ABLIM1: variants seen among roughly 807,000 people sequenced by gnomAD.
ABLIM1 encodes actin binding LIM protein 1.
ABLIM1 carries 40 observed loss-of-function variants against 107.0 expected under a neutral mutation model. The observed-to-expected ratio is 0.37, with a 90% confidence interval of 0.29 to 0.49. The LOEUF (loss-of-function observed/expected upper bound fraction) is 0.49. Among genes scored for constraint, ABLIM1 ranks in the 20% least tolerant of loss-of-function variants. The pLI is 0.97. For synonymous variants in ABLIM1, 357 were observed against 357.3 expected, an observed-to-expected ratio of 1.00 and a Z score of 0.01; for missense variants, 857 against 1,008.5, an observed-to-expected ratio of 0.85 and a Z score of 2.04.
chr10:114,795,080 AAAAAAT>A, the ABLIM1 span, among the ~76,000 whole-genome samples: 1 of 152,220 alleles, frequency 6.6e-6, no homozygotes, highest in Non-Finnish European at 1.5e-5. Flanking sequence ...TTAAGGAAGA[AAAAAAT>A]AAAAATATCA....
At chr10:114,634,883 G>T (rs1450330770) in intron 1 of ABLIM1, among the ~76,000 whole-genome samples, 2 of 152,216 alleles carry the variant, frequency 1.3e-5, no homozygotes, top group African/African-American at 4.8e-5. Flanking sequence ...TGGAATGTGG[G>T]AGAGTAAAAC....
intron 1 of ABLIM1, among the ~76,000 whole-genome samples, chr10:114,656,430 G>A (rs1591754480): frequency 6.6e-6 from 1 of 151,952 alleles, no homozygotes; most frequent in African/African-American, 2.4e-5. Context: ...GTTATTATAT[G>A]ACCCAGAAAT....
At chr10:114,462,680 T>G (rs944263931) in intron 12 of ABLIM1, among the ~76,000 whole-genome samples, 2 of 152,164 alleles carry the variant, frequency 1.3e-5, no homozygotes, top group African/African-American at 4.8e-5. Context: ...TGAGACACGT[T>G]GCGTATTGAA....
chr10:114,531,917 C>T (rs2065491632), intron 6 of ABLIM1, among the ~76,000 whole-genome samples: 1 of 152,086 alleles, frequency 6.6e-6, no homozygotes, highest in African/African-American at 2.4e-5. Context: ...TGGGTTCCAG[C>T]AATTCTCGTG....
chr10:114,676,893 G>A (rs2080510374), intron 1 of ABLIM1, among the ~76,000 whole-genome samples: 1 of 152,112 alleles, frequency 6.6e-6, no homozygotes, highest in African/African-American at 2.4e-5. Context: ...GCACCAGCAT[G>A]CCTGGCTAAC....
rs764281494 is a variant in ABLIM1, at chr10:114,545,041, C to T, written c.858G>A (p.Glu286=). 1 of 1,614,168 alleles carries T rather than the reference C, an allele frequency of 6.2e-7. No homozygotes were observed. The highest frequency in any genetic ancestry group is 2.2e-5 in the East Asian group (1 of 44,884). Reference sequence around the variant, plus strand: ...TCCCTGTGATAAACTGGTGACACGCCTCACATTTCACCCCAAAGAGTCCCT... The same window carrying T: ...TCCCTGTGATAAACTGGTGACACGCTTCACATTTCACCCCAAAGAGTCCCT... ...DYQGLFGVKC[E]ACHQFITGKV... The change falls in exon 6 of 23, where the codon GAG becomes GAA. Residue 286 remains glutamate, a synonymous_variant. Coordinates refer to ENST00000533213, the MANE Select transcript of ABLIM1 (RefSeq NM_002313.7).
intron 1 of ABLIM1, among the ~76,000 whole-genome samples, chr10:114,678,063 A>G (rs1015607300): frequency 1.4e-4 from 21 of 152,318 alleles, no homozygotes; most frequent in African/African-American, 5.1e-4. Flanking sequence ...CTTTACACAC[A>G]TCTAGGTCAT....
rs190909873 is a variant in ABLIM1 at position 114,760,156 on chromosome 10, G to A, written c.-213+7905C>T. On this transcript the variant is annotated intron_variant, in intron 1 of 15. Transcript: ENST00000651092. ...ATTAGTCTGGATGCTGCAGGAGAGA[G>A]GTTCAATAAATACTAGCTGATTGAA... is the stretch of plus-strand genomic sequence containing the variant. Among the ~76,000 whole-genome samples, 26 of 151,786 alleles carry A rather than the reference G, an allele frequency of 1.7e-4. No homozygotes were observed. The East Asian group carries it at 2.7e-3, about 16-fold the overall frequency.
intron 10 of ABLIM1, among the ~76,000 whole-genome samples, chr10:114,471,950 A>G (rs1227955312): frequency 4.0e-5 from 6 of 150,806 alleles, no homozygotes; most frequent in Non-Finnish European, 8.9e-5. Flanking sequence ...GGGGAAACGG[A>G]CTTGGGTAGG....
At chr10:114,554,791 C>G (rs1049199527) in intron 4 of ABLIM1, among the ~76,000 whole-genome samples, 4 of 152,108 alleles carry the variant, frequency 2.6e-5, no homozygotes, top group Non-Finnish European at 5.9e-5. Flanking sequence ...ACTGTTTTGT[C>G]CCCTGTGTGT....
intron 1 of ABLIM1, among the ~76,000 whole-genome samples, chr10:114,700,102 G>A (rs2081278602): frequency 6.6e-6 from 1 of 151,992 alleles, no homozygotes; most frequent in Admixed American, 6.6e-5. Flanking sequence ...TCCAACCTGT[G>A]ACTCTACTCT....
At chr10:114,555,479 C>T (rs1320467354) in intron 4 of ABLIM1, among the ~76,000 whole-genome samples, 2 of 152,132 alleles carry the variant, frequency 1.3e-5, no homozygotes, top group African/African-American at 4.8e-5. Context: ...TTTAAATCTC[C>T]GATCATGGGT....
At chr10:114,467,409 C>T (rs1361226299) in intron 11 of ABLIM1, among the ~76,000 whole-genome samples, 6 of 152,090 alleles carry the variant, frequency 3.9e-5, no homozygotes, top group Admixed American at 6.5e-5. Flanking sequence ...GCATTAATAA[C>T]GACTAAATGA....
chr10:114,597,822 A>G (rs1208469656), intron 2 of ABLIM1, among the ~76,000 whole-genome samples: 1 of 152,152 alleles, frequency 6.6e-6, no homozygotes, highest in Non-Finnish European at 1.5e-5. Flanking sequence ...GAAGCGATGA[A>G]AAAGGCACAG....
intron 6 of ABLIM1, among the ~76,000 whole-genome samples, chr10:114,525,191 A>G (rs1443473259): frequency 1.3e-5 from 2 of 152,226 alleles, no homozygotes; most frequent in Non-Finnish European, 2.9e-5. Context: ...ACAAACTATA[A>G]TCCCATCCAA....
At chr10:114,493,027 C>T (rs2059211348) in intron 6 of ABLIM1, among the ~76,000 whole-genome samples, 1 of 152,172 alleles carries the variant, frequency 6.6e-6, no homozygotes, top group East Asian at 1.9e-4. Context: ...AGAAGTGGTG[C>T]TCTTGTCCTC....
chr10:114,779,894 T>A, the ABLIM1 span: 1 of 152,076 alleles, frequency 6.6e-6, no homozygotes, highest in Admixed American at 6.5e-5. Flanking sequence ...ATAAAATTGT[T>A]GGGATGAAGT....
At chr10:114,481,082 A>T (rs1359381533) in intron 8 of ABLIM1, among the ~76,000 whole-genome samples, 1 of 152,204 alleles carries the variant, frequency 6.6e-6, no homozygotes, top group African/African-American at 2.4e-5. Context: ...GTCACAGAAC[A>T]AAAATTAATT....
At chr10:114,622,388 A>G (rs1305148873) in intron 1 of ABLIM1, among the ~76,000 whole-genome samples, 2 of 151,540 alleles carry the variant, frequency 1.3e-5, no homozygotes, top group Non-Finnish European at 2.9e-5. Context: ...AGCTGGGACT[A>G]CAGGCACACA....
Sources: allele counts gnomAD v4.1 joint callset (sites outside exome capture counted in the v4.1 genomes callset), GRCh38; gene constraint gnomAD v4.1.1; transcripts MANE v1.5; gene names NCBI Gene and HGNC (gene_info 2026-07-23, HGNC 2026-07-21).